Variants in NEO1 observed in about 807,000 individuals in gnomAD.
NEO1 encodes the protein neogenin 1, also known as neogenin.
A neutral mutation model predicts 159.7 loss-of-function variants in NEO1; 63 were observed. That is an observed-to-expected ratio of 0.39 (90% confidence interval 0.32 to 0.49). The LOEUF (loss-of-function observed/expected upper bound fraction) is 0.49. NEO1 is among the 20% of genes least tolerant of loss of function. The pLI, the probability that NEO1 is intolerant of heterozygous loss-of-function variation, is 0.85. For missense variants in NEO1, 1,615 were observed against 1,831.0 expected (o/e 0.88, Z 2.15); for synonymous variants, 633 against 662.0 (o/e 0.96, Z 0.67).
intron 5 of NEO1, among the ~76,000 whole-genome samples, chr15:73,170,519 A>C (rs1209455380): frequency 6.6e-6 from 1 of 152,232 alleles, no homozygotes; most frequent in African/African-American, 2.4e-5. Context: ...AGGACTCAGG[A>C]GCTTTCACTG....
intron 7 of NEO1, among the ~76,000 whole-genome samples, chr15:73,226,693 C>T (rs2038611142): frequency 6.6e-6 from 1 of 152,166 alleles, no homozygotes; most frequent in South Asian, 2.1e-4. Context: ...AATCTGACTC[C>T]GTTCTGAATA....
At chr15:73,182,431 C>T (rs886392036) in intron 7 of NEO1, among the ~76,000 whole-genome samples, 1 of 152,158 alleles carries the variant, frequency 6.6e-6, no homozygotes, top group Admixed American at 6.5e-5. Flanking sequence ...TAGTAATCTA[C>T]AACGTCACAG....
intron 1 of NEO1, among the ~76,000 whole-genome samples, chr15:73,067,499 GA>G (rs1395110892): frequency 6.6e-6 from 1 of 151,354 alleles, no homozygotes; most frequent in African/African-American, 2.4e-5. Context: ...GCCCAGGCTG[GA>G]GTGCAGTGGC....
At chr15:73,193,372 A>G (rs2036344820) in intron 7 of NEO1, among the ~76,000 whole-genome samples, 1 of 152,004 alleles carries the variant, frequency 6.6e-6, no homozygotes, top group African/African-American at 2.4e-5. Context: ...GTGACTTGCC[A>G]TAAAATAACT....
chr15:73,295,155 G>C (rs1344937402), intron 26 of NEO1, among the ~76,000 whole-genome samples: 1 of 92,856 alleles, frequency 1.1e-5, no homozygotes, highest in African/African-American at 3.6e-5. Flanking sequence ...TAAAAATTTG[G>C]CCTTTCTACT....
At chr15:73,079,503 C>A (rs2068938216) in intron 1 of NEO1, among the ~76,000 whole-genome samples, 1 of 152,036 alleles carries the variant, frequency 6.6e-6, no homozygotes. Flanking sequence ...TCAAATAGGC[C>A]AGTGGGTTTT....
intron 25 of NEO1, 81 bp downstream of exon 25, chr15:73,289,319 C>G: frequency 8.5e-7 from 1 of 1,183,022 alleles, no homozygotes; most frequent in Non-Finnish European, 1.2e-6. Context: ...ATCTTTTTGA[C>G]TTCACTTGAT....
At chr15:73,252,768 TC>T (rs2040143739) in intron 11 of NEO1, among the ~76,000 whole-genome samples, 1 of 152,088 alleles carries the variant, frequency 6.6e-6, no homozygotes, top group African/African-American at 2.4e-5. Flanking sequence ...GGCAGATGGA[TC>T]ACCTGAGGTC....
At chr15:73,125,424 A>G (rs144110045) in intron 3 of NEO1, among the ~76,000 whole-genome samples, 30 of 152,286 alleles carry the variant, frequency 2.0e-4, no homozygotes, top group African/African-American at 7.2e-4. Context: ...TCAAAGCCAC[A>G]TTCACCCTTG....
chr15:73,302,726 T>C lies in NEO1; in HGVS notation c.*30T>C, dbSNP rs1318040051. 6.3e-6 allele frequency: 10 copies of C among 1,596,680 alleles called. No individual in the cohort carries two copies. The highest frequency in any genetic ancestry group is 8.6e-7 in the Non-Finnish European group (1 of 1,166,746). On this transcript the variant is annotated 3_prime_UTR_variant, in exon 29 of 29. Coordinates refer to ENST00000261908, the MANE Select transcript of NEO1 (RefSeq NM_002499.4). ...CTTCACCAGGACCTGACTTCAAACC[T>C]GAGTCTGGAAGTCTTGGAACTTACC...
At chr15:73,111,263 A>G (rs1015739028) in intron 1 of NEO1, among the ~76,000 whole-genome samples, 1 of 152,210 alleles carries the variant, frequency 6.6e-6, no homozygotes, top group African/African-American at 2.4e-5. Flanking sequence ...CATACTCGAC[A>G]TATTTTGAAC....
At chr15:73,158,208 CTTTTT>C (rs1047852394) in intron 5 of NEO1, among the ~76,000 whole-genome samples, 1,138 of 82,554 alleles carry the variant, frequency 0.014, 22 homozygotes, top group African/African-American at 0.046. Context: ...GAGTGAGACT[CTTTTT>C]TTTTTTTTTT....
intron 1 of NEO1, among the ~76,000 whole-genome samples, chr15:73,080,108 A>C (rs1217925104): frequency 6.6e-6 from 1 of 152,196 alleles, no homozygotes; most frequent in African/African-American, 2.4e-5. Context: ...AATTGATGGC[A>C]ATAAGCTTCA....
In NEO1 at chr15:73,147,990, T is replaced by A. The variant is rs532519945; in HGVS notation, c.1015+11963T>A. On this transcript the variant is annotated intron_variant, in intron 5 of 28. Transcript: ENST00000261908. ...CATCATGCCCGGCTAATTTTTGTAG[T>A]TTTGCTAGAGACGGGTTTCACCATG... Among the ~76,000 whole-genome samples, 9 of 152,238 alleles carry A rather than the reference T, an allele frequency of 5.9e-5. No individual in the cohort carries two copies. In the East Asian group the frequency reaches 1.7e-3, roughly 29 times the overall value.
intron 7 of NEO1, among the ~76,000 whole-genome samples, chr15:73,212,350 T>C (rs997196267): frequency 6.6e-6 from 1 of 152,218 alleles, no homozygotes; most frequent in Non-Finnish European, 1.5e-5. Flanking sequence ...TTGGAGGTAC[T>C]TAGATTGACT....
At chr15:73,099,564 A>C (rs2070283771) in intron 1 of NEO1, among the ~76,000 whole-genome samples, 1 of 152,168 alleles carries the variant, frequency 6.6e-6, no homozygotes, top group African/African-American at 2.4e-5. Context: ...TCCTTTGCTT[A>C]TGTTTAAATT....
At chr15:73,125,356 A>G (rs1175706908) in intron 3 of NEO1, among the ~76,000 whole-genome samples, 1 of 152,240 alleles carries the variant, frequency 6.6e-6, no homozygotes, top group Non-Finnish European at 1.5e-5. Flanking sequence ...CTTAAAAGTC[A>G]GTGACTCCAC....
intron 1 of NEO1, among the ~76,000 whole-genome samples, chr15:73,075,902 G>GTGACTAGGATTATGCCACATTCTTT (rs1397184621): frequency 6.6e-6 from 1 of 152,140 alleles, no homozygotes; most frequent in Non-Finnish European, 1.5e-5. Flanking sequence ...TACTTGAGCT[G>GTGACTAGGATTATGCCACATTCTTT]TGACTAGGAT....
At chr15:73,269,889 TTTTC>T in intron 16 of NEO1, 117 bp from the exon 17 acceptor site, 2 of 787,756 alleles carry the variant, frequency 2.5e-6, no homozygotes, top group South Asian at 1.7e-5. Context: ...TAACTCTGAA[TTTTC>T]TTTCTTTTTC....
Sources: gnomAD v4.1 joint callset for allele counts (sites outside exome capture counted in the v4.1 genomes callset) on GRCh38, gnomAD v4.1.1 for gene constraint, MANE v1.5 for transcripts, NCBI Gene and HGNC (gene_info 2026-07-23, HGNC 2026-07-21) for gene names.